Variants in NOS1AP observed in about 807,000 individuals in gnomAD.
NOS1AP encodes the protein nitric oxide synthase 1 adaptor protein, also known as carboxyl-terminal PDZ ligand of neuronal nitric oxide synthase protein.
In NOS1AP, 21 loss-of-function variants were observed where a neutral mutation model predicts 56.2. The ratio of observed to expected loss-of-function variants is 0.37; its 90% CI spans 0.26 to 0.54. NOS1AP has a LOEUF of 0.54. Ranked by LOEUF, NOS1AP falls within the 20% of genes least tolerant of loss-of-function variation. The pLI is 0.84. For synonymous variants in NOS1AP, 270 were observed against 274.6 expected (o/e 0.98, Z 0.17); for missense variants, 522 against 657.8 (o/e 0.79, Z 2.26).
At chr1:162,244,631 C>A (rs1269781742) in intron 2 of NOS1AP, among the ~76,000 whole-genome samples, 1 of 152,114 alleles carries the variant, frequency 6.6e-6, no homozygotes, top group Admixed American at 6.5e-5. Context: ...ATTGCTTTAT[C>A]TAAAGGAGTA....
chr1:162,229,321 A>C (rs374635316), intron 2 of NOS1AP, among the ~76,000 whole-genome samples: 27 of 152,192 alleles, frequency 1.8e-4, no homozygotes, highest in African/African-American at 6.5e-4. Context: ...TAGGGGAGAG[A>C]GGAAACCCTG....
chr1:162,185,208 C>T (rs1651390220), intron 2 of NOS1AP, among the ~76,000 whole-genome samples: 1 of 152,180 alleles, frequency 6.6e-6, no homozygotes, highest in African/African-American at 2.4e-5. Flanking sequence ...GTGGCTGATC[C>T]AGGATAATCT....
chr1:162,102,910 GT>G (rs894880673), intron 1 of NOS1AP, among the ~76,000 whole-genome samples: 84 of 151,748 alleles, frequency 5.5e-4, no homozygotes, highest in South Asian at 2.5e-3. Context: ...TTGTTTGAAG[GT>G]TTTTTTTGTC....
At chr1:162,127,726 A>C (rs530828470) in intron 1 of NOS1AP, among the ~76,000 whole-genome samples, 21 of 152,180 alleles carry the variant, frequency 1.4e-4, no homozygotes, top group Non-Finnish European at 2.5e-4. Flanking sequence ...AAATGACCAG[A>C]TCTCATGAGA....
chr1:162,271,138 G>T (rs891221954), intron 2 of NOS1AP, among the ~76,000 whole-genome samples: 1 of 152,004 alleles, frequency 6.6e-6, no homozygotes, highest in East Asian at 1.9e-4. Flanking sequence ...AAATGGTCGT[G>T]GGGGGTGTGC....
intron 4 of NOS1AP, among the ~76,000 whole-genome samples, chr1:162,321,615 T>G (rs426125): frequency 0.51 from 76,637 of 151,248 alleles, 22,019 homozygotes; most frequent in Non-Finnish European, 0.65. Flanking sequence ...ATATACCTAA[T>G]GTAAATGACG....
intron 2 of NOS1AP, among the ~76,000 whole-genome samples, chr1:162,283,644 A>C (rs955407419): frequency 1.3e-5 from 2 of 152,124 alleles, no homozygotes; most frequent in Non-Finnish European, 2.9e-5. Context: ...ACTGACTGGC[A>C]CGGCACATTA....
intron 2 of NOS1AP, among the ~76,000 whole-genome samples, chr1:162,173,379 A>C (rs1233615669): frequency 6.6e-6 from 1 of 152,168 alleles, no homozygotes; most frequent in Non-Finnish European, 1.5e-5. Flanking sequence ...TAGAAAGCTG[A>C]AACTGGATCC....
intron 2 of NOS1AP, among the ~76,000 whole-genome samples, chr1:162,232,186 G>A (rs1283452597): frequency 1.3e-5 from 2 of 152,194 alleles, no homozygotes; most frequent in East Asian, 1.9e-4. Context: ...TGCAAACCTG[G>A]GTTTGTAAAG....
At chr1:162,366,639 G>C (rs932803667) in intron 9 of NOS1AP, among the ~76,000 whole-genome samples, 5 of 152,164 alleles carry the variant, frequency 3.3e-5, no homozygotes, top group African/African-American at 9.7e-5. Context: ...CACTCTGGAA[G>C]CCTCTCTGGA....
intron 1 of NOS1AP, among the ~76,000 whole-genome samples, chr1:162,094,895 A>G (rs1183505929): frequency 2.6e-5 from 4 of 151,934 alleles, no homozygotes; most frequent in South Asian, 2.1e-4. Flanking sequence ...GTCATCTTCT[A>G]CTCCTTACAG....
chr1:162,211,665 T>A (rs1258792316), intron 2 of NOS1AP, among the ~76,000 whole-genome samples: 3 of 152,194 alleles, frequency 2.0e-5, no homozygotes, highest in Non-Finnish European at 4.4e-5. Context: ...CTGTCCGAAC[T>A]CTTTCTTTCC....
intron 8 of NOS1AP, among the ~76,000 whole-genome samples, chr1:162,358,226 C>G (rs1216515647): frequency 6.6e-6 from 1 of 152,174 alleles, no homozygotes; most frequent in Non-Finnish European, 1.5e-5. Context: ...ACTGAATCAT[C>G]CAGCCAGAGA....
intron 1 of NOS1AP, among the ~76,000 whole-genome samples, chr1:162,133,948 G>GC (rs1166851181): frequency 6.6e-6 from 1 of 152,176 alleles, no homozygotes; most frequent in African/African-American, 2.4e-5. Context: ...TCCAGTTCCT[G>GC]CCCCATGAAC....
chr1:162,107,630 C>T (rs1470690065), intron 1 of NOS1AP, among the ~76,000 whole-genome samples: 1 of 152,138 alleles, frequency 6.6e-6, no homozygotes, highest in Non-Finnish European at 1.5e-5. Context: ...AGGCATGAGC[C>T]ACTGTGCCTG....
At chr1:162,353,159 G>A (rs1339046563) in intron 6 of NOS1AP, among the ~76,000 whole-genome samples, 1 of 151,286 alleles carries the variant, frequency 6.6e-6, no homozygotes, top group East Asian at 1.9e-4. Flanking sequence ...TCCACCTAGA[G>A]TATCACTTTC....
At chr1:162,255,259 C>A (rs1280012649) in intron 2 of NOS1AP, among the ~76,000 whole-genome samples, 1 of 152,152 alleles carries the variant, frequency 6.6e-6, no homozygotes, top group East Asian at 1.9e-4. Flanking sequence ...TTTCCACCCC[C>A]CTCACTCCAA....
intron 2 of NOS1AP, among the ~76,000 whole-genome samples, chr1:162,252,574 T>C (rs979178484): frequency 6.6e-6 from 1 of 152,172 alleles, no homozygotes; most frequent in Non-Finnish European, 1.5e-5. Context: ...ATTTCAGTAG[T>C]TATTTTATCT....
chr1:162,227,390 A>G (rs1652980707), intron 2 of NOS1AP, among the ~76,000 whole-genome samples: 1 of 152,210 alleles, frequency 6.6e-6, no homozygotes, highest in African/African-American at 2.4e-5. Context: ...AACAATTAAA[A>G]AACAAGGGGG....
Sources: gnomAD v4.1 joint callset for allele counts (sites outside exome capture counted in the v4.1 genomes callset) on GRCh38, gnomAD v4.1.1 for gene constraint, MANE v1.5 for transcripts, NCBI Gene and HGNC (gene_info 2026-07-23, HGNC 2026-07-21) for gene names.